GPC5: variants seen among roughly 807,000 people sequenced by gnomAD.
GPC5 encodes glypican-5.
Under a neutral mutation model 53.9 loss-of-function variants are expected in GPC5, and 47 were observed. That is an observed-to-expected ratio of 0.87 (90% CI 0.69 to 1.11). GPC5 has a LOEUF of 1.11. GPC5 is among the 50% of genes most tolerant of loss of function. The pLI, the probability that GPC5 is intolerant of heterozygous loss-of-function variation, is 0.00. For missense variants in GPC5, 748 were observed against 713.1 expected, an observed-to-expected ratio of 1.05 and a Z score of -0.56; for synonymous variants, 286 against 263.3, an observed-to-expected ratio of 1.09 and a Z score of -0.84.
At chr13:92,396,394 T>A (rs978967771) in intron 7 of GPC5, among the ~76,000 whole-genome samples, 1 of 152,220 alleles carries the variant, frequency 6.6e-6, no homozygotes, top group East Asian at 1.9e-4. Context: ...GTTTGCTTTT[T>A]TCATTAGTGC....
chr13:91,741,410 G>T (rs1245238907), intron 4 of GPC5, among the ~76,000 whole-genome samples: 2 of 152,074 alleles, frequency 1.3e-5, no homozygotes, highest in South Asian at 4.2e-4. Context: ...ATGAGGCAGG[G>T]CATGATTCTC....
chr13:92,663,780 CACACTATATATACA>C (rs1886446242), intron 7 of GPC5, among the ~76,000 whole-genome samples: 1 of 132,212 alleles, frequency 7.6e-6, no homozygotes, highest in Non-Finnish European at 1.6e-5. Context: ...TATATATACA[CACACTATATATACA>C]CACACTATAT....
At chr13:92,482,807 A>G (rs905813731) in intron 7 of GPC5, among the ~76,000 whole-genome samples, 2 of 152,198 alleles carry the variant, frequency 1.3e-5, no homozygotes, top group Non-Finnish European at 2.9e-5. Context: ...AGTAGGAAGA[A>G]AGAATGAGTA....
intron 7 of GPC5, among the ~76,000 whole-genome samples, chr13:92,819,465 A>C (rs1877601162): frequency 6.6e-6 from 1 of 152,206 alleles, no homozygotes; most frequent in Non-Finnish European, 1.5e-5. Flanking sequence ...GCTGTTTGCT[A>C]ACTTCACCAA....
chr13:92,523,511 TAC>T (rs1345123147), intron 7 of GPC5, among the ~76,000 whole-genome samples: 4 of 152,260 alleles, frequency 2.6e-5, no homozygotes, highest in African/African-American at 9.6e-5. Context: ...TGTAAATACA[TAC>T]ACAGTTTTTC....
intron 6 of GPC5, among the ~76,000 whole-genome samples, chr13:92,002,190 A>C (rs1204756874): frequency 2.0e-5 from 3 of 152,008 alleles, no homozygotes; most frequent in Non-Finnish European, 2.9e-5. Flanking sequence ...ATACCTACAT[A>C]TACCTAAGGA....
At chr13:91,790,736 T>G (rs1190766943) in intron 5 of GPC5, among the ~76,000 whole-genome samples, 2 of 152,250 alleles carry the variant, frequency 1.3e-5, no homozygotes, top group Non-Finnish European at 2.9e-5. Flanking sequence ...GTATTGTAAA[T>G]GTAGTAGAAT....
intron 2 of GPC5, among the ~76,000 whole-genome samples, chr13:91,518,800 G>A (rs1885646099): frequency 6.6e-6 from 1 of 152,182 alleles, no homozygotes; most frequent in Non-Finnish European, 1.5e-5. Context: ...TGATCCACCA[G>A]TCTCGGCCTC....
chr13:92,374,550 T>G (rs28681498), intron 7 of GPC5, among the ~76,000 whole-genome samples: 1,626 of 151,926 alleles, frequency 0.011, 29 homozygotes, highest in African/African-American at 0.037. Context: ...CATGTCCTTT[T>G]TAGGGACATG....
Position 91,827,282 on chromosome 13 carries a change from T to C in GPC5, c.1280+70862T>C, listed in dbSNP as rs75488441. Among the ~76,000 whole-genome samples the C allele has an allele frequency of 9.8e-4, 149 of 152,092 alleles. 2 individuals carry two copies. In the East Asian group the frequency reaches 0.022, roughly 23 times the overall value. On this transcript the variant is annotated intron_variant, in intron 5 of 7. Transcript: ENST00000377067. ...TAAAAGAATACAAAAATATATCTTC[T>C]TGACTTATAGCACAATAAAGAATAA...
chr13:91,714,923 A>G (rs1325507879), intron 3 of GPC5, among the ~76,000 whole-genome samples: 3 of 152,214 alleles, frequency 2.0e-5, no homozygotes, highest in Non-Finnish European at 4.4e-5. Flanking sequence ...CAGCTCAGGC[A>G]GTGTTGCAGC....
At chr13:92,504,988 T>C (rs1028411134) in intron 7 of GPC5, among the ~76,000 whole-genome samples, 4 of 151,378 alleles carry the variant, frequency 2.6e-5, no homozygotes, top group African/African-American at 7.3e-5. Context: ...TATATATATA[T>C]GTGCATATAA....
chr13:91,756,019 C>A (rs1366071375), intron 4 of GPC5, among the ~76,000 whole-genome samples: 1 of 148,680 alleles, frequency 6.7e-6, no homozygotes, highest in Non-Finnish European at 1.5e-5. Flanking sequence ...ACACAAGATT[C>A]ATACCCAGTG....
At chr13:91,752,672 A>G (rs2037204621) in intron 4 of GPC5, among the ~76,000 whole-genome samples, 1 of 152,018 alleles carries the variant, frequency 6.6e-6, no homozygotes, top group African/African-American at 2.4e-5. Flanking sequence ...TTATTACTGC[A>G]TATTACTTTC....
At chr13:91,683,985 G>C (rs1296758291) in intron 2 of GPC5, among the ~76,000 whole-genome samples, 1 of 152,124 alleles carries the variant, frequency 6.6e-6, no homozygotes, top group African/African-American at 2.4e-5. Flanking sequence ...GTTGCTAAGG[G>C]CTTCTCTTTC....
intron 6 of GPC5, among the ~76,000 whole-genome samples, chr13:91,960,802 A>C (rs1378053748): frequency 2.6e-5 from 4 of 151,988 alleles, no homozygotes; most frequent in African/African-American, 9.7e-5. Context: ...AAGAACATAC[A>C]CTGGGGAAAA....
intron 7 of GPC5, among the ~76,000 whole-genome samples, chr13:92,154,338 ATG>A (rs1328451953): frequency 6.6e-6 from 1 of 152,082 alleles, no homozygotes; most frequent in East Asian, 1.9e-4. Flanking sequence ...CCTCCAAACT[ATG>A]TCACCCCTTT....
chr13:91,422,141 A>G (rs1379457939), intron 1 of GPC5, among the ~76,000 whole-genome samples: 3 of 152,220 alleles, frequency 2.0e-5, no homozygotes, highest in Non-Finnish European at 2.9e-5. Flanking sequence ...GAAGCTGACA[A>G]TAGAAAACCT....
intron 3 of GPC5, among the ~76,000 whole-genome samples, chr13:91,707,804 G>C (rs929036366): frequency 6.6e-6 from 1 of 151,424 alleles, no homozygotes; most frequent in African/African-American, 2.4e-5. Context: ...TTCATGCCAA[G>C]GTATATTCCC....
Sources: allele counts gnomAD v4.1 joint callset (sites outside exome capture counted in the v4.1 genomes callset), GRCh38; gene constraint gnomAD v4.1.1; transcripts MANE v1.5; gene names NCBI Gene and HGNC (gene_info 2026-07-23, HGNC 2026-07-21).